NAV2: variants seen among roughly 807,000 people sequenced by gnomAD.
NAV2 encodes neuron navigator 2, also known as helicase, APC down-regulated 1.
A neutral mutation model predicts 223.2 loss-of-function variants in NAV2; 54 were observed. That is an observed-to-expected ratio of 0.24 (90% CI 0.19 to 0.30). The LOEUF (loss-of-function observed/expected upper bound fraction) is 0.30. Ranked by LOEUF, NAV2 falls within the 10% of genes least tolerant of loss-of-function variation. NAV2 has a pLI of 1.00. For synonymous variants in NAV2, 1,279 were observed against 1,239.3 expected (o/e 1.03, Z -0.67); for missense variants, 2,806 against 3,147.5 (o/e 0.89, Z 2.60).
At chr11:19,782,978 GC>G (rs2056849975) in intron 1 of NAV2, among the ~76,000 whole-genome samples, 1 of 152,198 alleles carries the variant, frequency 6.6e-6, no homozygotes, top group African/African-American at 2.4e-5. Flanking sequence ...GTAAGCACCT[GC>G]ATTATACATT....
At chr11:19,869,068 T>C in intron 4 of NAV2, 71 bp downstream of exon 4, 1 of 1,395,436 alleles carries the variant, frequency 7.2e-7, no homozygotes, top group Non-Finnish European at 1.0e-6. Flanking sequence ...TTATGAATGA[T>C]ATTAACACCA....
intron 32 of NAV2, among the ~76,000 whole-genome samples, chr11:20,101,846 G>C (rs1444207545): frequency 6.6e-6 from 1 of 152,170 alleles, no homozygotes; most frequent in East Asian, 1.9e-4. Flanking sequence ...TCTCAGACCT[G>C]TTCATGCATG....
At chr11:19,823,058 T>C (rs1441104047) in intron 1 of NAV2, among the ~76,000 whole-genome samples, 1 of 152,104 alleles carries the variant, frequency 6.6e-6, no homozygotes, top group Non-Finnish European at 1.5e-5. Flanking sequence ...TTATACAGAG[T>C]TTTGTTTGAG....
chr11:19,676,131 CTCTCATTT>C (rs2048705191), intron 1 of NAV2, among the ~76,000 whole-genome samples: 1 of 152,158 alleles, frequency 6.6e-6, no homozygotes, highest in Non-Finnish European at 1.5e-5. Flanking sequence ...TGTTTGATTT[CTCTCATTT>C]AGCTTCTTCC....
At chr11:19,436,289 A>C (rs1277880554) in intron 1 of NAV2, among the ~76,000 whole-genome samples, 2 of 152,134 alleles carry the variant, frequency 1.3e-5, no homozygotes, top group East Asian at 3.8e-4. Context: ...ATTATTCTGC[A>C]TGTAGATGTC....
chr11:19,766,264 C>G (rs182732095), intron 1 of NAV2, among the ~76,000 whole-genome samples: 1 of 152,068 alleles, frequency 6.6e-6, no homozygotes, highest in East Asian at 1.9e-4. Context: ...AAAGAGGAAT[C>G]GGATGAAGGT....
At chr11:19,776,981 C>A (rs1032543285) in intron 1 of NAV2, among the ~76,000 whole-genome samples, 2 of 151,744 alleles carry the variant, frequency 1.3e-5, no homozygotes, top group African/African-American at 2.4e-5. Flanking sequence ...CTCCGACCAT[C>A]TTTCCCCCTT....
chr11:19,667,868 G>A (rs911240324), intron 1 of NAV2, among the ~76,000 whole-genome samples: 12 of 152,264 alleles, frequency 7.9e-5, no homozygotes, highest in South Asian at 6.2e-4. Flanking sequence ...TCCTTTATTT[G>A]TATTCCTCAA....
chr11:20,034,599 C>G (rs1270225370), intron 11 of NAV2, among the ~76,000 whole-genome samples: 1 of 152,158 alleles, frequency 6.6e-6, no homozygotes, highest in Non-Finnish European at 1.5e-5. Context: ...CCAGGCTGGT[C>G]TCGAACTCCT....
intron 1 of NAV2, among the ~76,000 whole-genome samples, chr11:19,665,607 T>C (rs551777552): frequency 6.6e-6 from 1 of 152,196 alleles, no homozygotes; most frequent in Admixed American, 6.5e-5. Flanking sequence ...CCTAAGAGAC[T>C]GTAGATGCTC....
In NAV2 at chr11:19,933,617, G is replaced by A. The variant is rs1205120644; in HGVS notation, c.1373G>A (p.Ser458Asn). Residue 458 changes from serine to asparagine, a missense_variant, in exon 7 of 38, where the codon AGC (serine) becomes AAC (asparagine). Physicochemically the swap from Ser to Asn is conservative, Grantham distance 46. Coordinates refer to ENST00000349880, the MANE Select transcript of NAV2 (RefSeq NM_145117.5). This position sits in a 1 kb window ranked among gnomAD's most constrained non-coding sequence, Gnocchi z 4.3. ...MLTTVGPASS[S>N]PKIALKGIAQ... ...ACCACCGTGGGCCCTGCTTCCAGCA[G>A]CCCCAAGATTGCACTCAAGGGCATT... 1.2e-6 allele frequency: 2 copies of A among 1,614,134 alleles called. No individual in the cohort carries two copies. The highest frequency in any genetic ancestry group is 3.3e-5 in the Admixed American group (2 of 60,026).
At chr11:19,589,745 C>G (rs1047319971) in intron 1 of NAV2, among the ~76,000 whole-genome samples, 5 of 152,184 alleles carry the variant, frequency 3.3e-5, no homozygotes, top group African/African-American at 1.2e-4. Context: ...CATCACAGCT[C>G]CATCTCCTTC....
intron 1 of NAV2, among the ~76,000 whole-genome samples, chr11:19,385,631 C>T (rs1246029844): frequency 1.3e-5 from 2 of 152,156 alleles, no homozygotes; most frequent in Admixed American, 6.5e-5. Flanking sequence ...GATTTTTAAC[C>T]TCTTGCCTTT....
intron 1 of NAV2, among the ~76,000 whole-genome samples, chr11:19,647,320 C>A (rs906311361): frequency 6.6e-6 from 1 of 152,136 alleles, no homozygotes; most frequent in African/African-American, 2.4e-5. Flanking sequence ...GAGTAGTCCT[C>A]AGATCATACC....
chr11:19,619,478 T>C (rs530347946), intron 1 of NAV2, among the ~76,000 whole-genome samples: 132 of 152,300 alleles, frequency 8.7e-4, no homozygotes, highest in African/African-American at 3.1e-3. Flanking sequence ...GGTATCTCAT[T>C]GTGGTTTTGA....
intron 11 of NAV2, among the ~76,000 whole-genome samples, chr11:20,009,321 A>C (rs1484403972): frequency 6.6e-6 from 1 of 152,150 alleles, no homozygotes; most frequent in African/African-American, 2.4e-5. Context: ...AGTTTACTAG[A>C]TAACCAACCC....
intron 1 of NAV2, among the ~76,000 whole-genome samples, chr11:19,556,317 G>A (rs1025181207): frequency 2.0e-5 from 3 of 152,204 alleles, no homozygotes; most frequent in African/African-American, 7.2e-5. Flanking sequence ...TAAAAATTAT[G>A]TGTGTAAGAA....
intron 6 of NAV2, among the ~76,000 whole-genome samples, chr11:19,912,486 C>A (rs1356543725): frequency 6.6e-6 from 1 of 152,180 alleles, no homozygotes; most frequent in African/African-American, 2.4e-5. Flanking sequence ...GCCCCTTACC[C>A]AGCCCCATGA....
intron 1 of NAV2, among the ~76,000 whole-genome samples, chr11:19,620,080 T>C (rs1321734353): frequency 1.3e-5 from 2 of 152,176 alleles, no homozygotes; most frequent in African/African-American, 4.8e-5. Flanking sequence ...AGATGTGTGA[T>C]ATTATTTCTG....
Sources: allele counts gnomAD v4.1 joint callset (sites outside exome capture counted in the v4.1 genomes callset), GRCh38; gene constraint gnomAD v4.1.1; non-coding constraint Gnocchi (gnomAD v3.1); transcripts MANE v1.5; gene names NCBI Gene and HGNC (gene_info 2026-07-23, HGNC 2026-07-21).